MMS19: variants seen among roughly 807,000 people sequenced by gnomAD.
MMS19 encodes the protein MMS19 cytosolic iron-sulfur assembly component.
In MMS19, 77 loss-of-function variants were observed where a neutral mutation model predicts 129.8. That is an observed-to-expected ratio of 0.59 (90% confidence interval 0.49 to 0.72). The LOEUF (loss-of-function observed/expected upper bound fraction) is 0.72. Among genes scored for constraint, MMS19 ranks in the 30% least tolerant of loss-of-function variants. MMS19 has a pLI of 0.00. For synonymous variants in MMS19, 491 were observed against 502.8 expected, an observed-to-expected ratio of 0.98 and a Z score of 0.31; for missense variants, 1,168 against 1,266.3, an observed-to-expected ratio of 0.92 and a Z score of 1.18.
chr10:97,492,807 C>T (rs1413887869), intron 1 of MMS19, among the ~76,000 whole-genome samples: 5 of 145,372 alleles, frequency 3.4e-5, no homozygotes, highest in African/African-American at 5.1e-5. Flanking sequence ...TGCAGTGAGC[C>T]AAGATCGCGC....
At chr10:97,469,482 CTT>C (rs746728264) in intron 11 of MMS19, among the ~76,000 whole-genome samples, 162 bp downstream of exon 11, 18 of 152,336 alleles carry the variant, frequency 1.2e-4, no homozygotes, top group Middle Eastern at 6.8e-3. Flanking sequence ...GACTCTCTCT[CTT>C]GTCATTCAAC....
At chr10:97,472,874 C>T (rs939732008) in intron 8 of MMS19, among the ~76,000 whole-genome samples, 2 of 151,456 alleles carry the variant, frequency 1.3e-5, no homozygotes, top group Admixed American at 1.3e-4. Flanking sequence ...CCCAAAGTAG[C>T]GGGATTACAA....
At position 97,459,406 on chromosome 10, in the gene MMS19, T is replaced by C; in HGVS notation, c.2860A>G (p.Thr954Ala). ...APQVMSLHVD[T>A]LVTKFLNLSS... ...AGGTTCAGAAACTTGGTGACGAGGG[T>C]GTCCACGTGAAGACTCATGACTTGG... The change falls in exon 28 of 31, where the codon ACC becomes GCC. Residue 954 changes from threonine to alanine, a missense_variant. Transcript: ENST00000438925. 1 of 1,605,612 alleles carries C rather than the reference T, an allele frequency of 6.2e-7. No individual in the cohort carries two copies. Among genetic ancestry groups the C allele is most frequent in the Non-Finnish European group, 8.5e-7 (1 of 1,176,070 alleles).
rs774399178 is a variant in MMS19, at chr10:97,466,077, C to A, written c.1588G>T (p.Ala530Ser). ...CACATACCTACACGCAGCTCCTCAG[C>A]GAGCTTGGGTACGAGGTGGCTGCTG... Reference protein sequence around the residue: ...AFSSHLVPKLAEELRVGESNL... With the variant: ...AFSSHLVPKLSEELRVGESNL... Residue 530 changes from alanine to serine, a missense_variant, in exon 17 of 31, where the codon GCT becomes TCT. Physicochemically the swap from Ala to Ser is moderately conservative, Grantham distance 99. This residue lies in a region of MMS19 where 831 missense variants were observed against 910.8 expected (regional missense o/e 0.91). Transcript: ENST00000438925. 3.1e-6 allele frequency: 5 copies of A among 1,613,160 alleles called. No homozygotes were observed. Among genetic ancestry groups the A allele is most frequent in the Admixed American group, 3.3e-5 (2 of 59,792 alleles).
Position 97,477,893 on chromosome 10 carries a change from A to G in MMS19, c.385T>C (p.Ser129Pro). The change falls in exon 5 of 31, where the codon TCT becomes CCT. Residue 129 changes from serine (S) to proline (P), a missense_variant. This residue lies in a region of MMS19 where 329 missense variants were observed against 328.6 expected (regional missense o/e 1.00). Coordinates refer to ENST00000438925, the MANE Select transcript of MMS19 (RefSeq NM_022362.5). The stretch of plus-strand genomic sequence containing the variant: ...TCCTGGAAGATGGCTTTAAGCACAG[A>G]AACAGCCAGCCCTGGGGGCAGGGCC... ...CVALPPGLAV[S>P]VLKAIFQEVH... 2 of 1,609,640 alleles carry G rather than the reference A, an allele frequency of 1.2e-6. No homozygotes were observed. The highest frequency in any genetic ancestry group is 1.7e-6 in the Non-Finnish European group (2 of 1,178,306).
At chr10:97,483,363 T>C (rs2037235277) in intron 2 of MMS19, among the ~76,000 whole-genome samples, 1 of 152,134 alleles carries the variant, frequency 6.6e-6, no homozygotes, top group South Asian at 2.1e-4. Flanking sequence ...CAATACTGTA[T>C]ATATTTTTTT....
chr10:97,480,751 T>C (rs2036646890), intron 3 of MMS19, 191 bp downstream of exon 3: 1 of 586,524 alleles, frequency 1.7e-6, no homozygotes, highest in Admixed American at 3.0e-5. Flanking sequence ...CGTTTTATAT[T>C]GAAATCCATG....
intron 8 of MMS19, among the ~76,000 whole-genome samples, chr10:97,471,766 C>G (rs370607084): frequency 4.6e-5 from 7 of 152,330 alleles, no homozygotes; most frequent in African/African-American, 1.4e-4. Flanking sequence ...CCACCTCAGC[C>G]TCCCGAAGTG....
chr10:97,467,776 G>A lies in MMS19; in HGVS notation c.1219-193C>T, dbSNP rs116814656. Reference sequence around the variant, plus strand: ...CCTCCTAGGTTCAAGTGATTCTCTCGCCTCAGCCTCTTGAGTAGCTGGGAC... The same window carrying A: ...CCTCCTAGGTTCAAGTGATTCTCTCACCTCAGCCTCTTGAGTAGCTGGGAC... On this transcript the variant is annotated intron_variant, in intron 13 of 30. Transcript: ENST00000438925. 3.1e-3 allele frequency among the ~76,000 whole-genome samples: 469 copies of A among 151,718 alleles called. 3 individuals are homozygous for A. The highest frequency in any genetic ancestry group is 0.011 in the African/African-American group (445 of 41,362).
chr10:97,487,886 G>A (rs1423173449), intron 1 of MMS19, among the ~76,000 whole-genome samples: 2 of 152,148 alleles, frequency 1.3e-5, no homozygotes, highest in Non-Finnish European at 2.9e-5. Flanking sequence ...GGAGGCCAAG[G>A]CAGGTAGATT....
chr10:97,496,642 C>T (rs1021471663), intron 1 of MMS19, among the ~76,000 whole-genome samples: 1 of 151,770 alleles, frequency 6.6e-6, no homozygotes, highest in Admixed American at 6.6e-5. Context: ...TTATTGTTTT[C>T]GTATCGCATA....
chr10:97,477,830 TA>T, intron 5 of MMS19, 24 bp downstream of exon 5: 2 of 1,547,936 alleles, frequency 1.3e-6, no homozygotes, highest in Non-Finnish European at 1.8e-6. Flanking sequence ...CAGAGGAGAA[TA>T]CCAACATGAC....
chr10:97,477,763 G>C (rs1305547537), intron 5 of MMS19, 92 bp downstream of exon 5: 3 of 860,188 alleles, frequency 3.5e-6, no homozygotes, highest in Non-Finnish European at 5.4e-6. Flanking sequence ...AAAGAATTCA[G>C]AACTTAGAAG....
chr10:97,494,130 G>A (rs1339267196), intron 1 of MMS19, among the ~76,000 whole-genome samples: 2 of 152,096 alleles, frequency 1.3e-5, no homozygotes, highest in African/African-American at 2.4e-5. Context: ...TTTTCCTAAC[G>A]GTATTTTCGC....
At chr10:97,465,039 C>T (rs901674924) in intron 18 of MMS19, among the ~76,000 whole-genome samples, 5 of 151,072 alleles carry the variant, frequency 3.3e-5, no homozygotes, top group Non-Finnish European at 7.4e-5. Flanking sequence ...GATGGAGTTT[C>T]ACCCTGTTTG....
intron 8 of MMS19, among the ~76,000 whole-genome samples, chr10:97,471,519 A>AT (rs869291912): frequency 5.3e-5 from 8 of 150,736 alleles, no homozygotes; most frequent in East Asian, 1.9e-4. Flanking sequence ...TATTATTATT[A>AT]TTTTTTTTTG....
intron 18 of MMS19, among the ~76,000 whole-genome samples, chr10:97,464,813 C>G (rs888588200): frequency 6.6e-6 from 1 of 151,932 alleles, no homozygotes; most frequent in Non-Finnish European, 1.5e-5. Context: ...ATTCTCCTGC[C>G]TTAGCCTCCC....
At chr10:97,461,275 C>T in intron 23 of MMS19, 1 of 626,992 alleles carries the variant, frequency 1.6e-6, no homozygotes, top group Non-Finnish European at 2.7e-6. Context: ...GACGGCAGAA[C>T]TAGACTCTTT....
At chr10:97,492,922 T>C (rs1455711047) in intron 1 of MMS19, among the ~76,000 whole-genome samples, 1 of 148,736 alleles carries the variant, frequency 6.7e-6, no homozygotes. Context: ...ATATTATAAA[T>C]AGGGTACCAT....
Sources: gnomAD v4.1 joint callset for allele counts (sites outside exome capture counted in the v4.1 genomes callset) on GRCh38, gnomAD v4.1.1 for gene constraint, gnomAD v4.1.1 regional missense constraint, MANE v1.5 for transcripts, NCBI Gene and HGNC (gene_info 2026-07-23, HGNC 2026-07-21) for gene names.